The following HIVEP3 variants were observed in gnomAD, a reference collection of about 807,000 sequenced individuals.
HIVEP3 encodes transcription factor HIVEP3.
Under a neutral mutation model 152.8 loss-of-function variants are expected in HIVEP3, and 49 were observed. The ratio of observed to expected loss-of-function variants is 0.32; its 90% CI spans 0.26 to 0.41. The LOEUF (loss-of-function observed/expected upper bound fraction) is 0.41, where lower values mean the gene tolerates loss of function less well. Among genes scored for constraint, HIVEP3 ranks in the 10% least tolerant of loss-of-function variants. The pLI is 1.00. For synonymous variants in HIVEP3, 1,269 were observed against 1,289.0 expected (o/e 0.98, Z 0.33); for missense variants, 2,790 against 3,103.3 (o/e 0.90, Z 2.40).
At chr1:41,786,299 A>G (rs1649343442) in intron 1 of HIVEP3, among the ~76,000 whole-genome samples, 1 of 152,224 alleles carries the variant, frequency 6.6e-6, no homozygotes. Context: ...GGCACACACC[A>G]GGCACTCAGT....
chr1:41,969,905 G>T (rs1193108041), intron 1 of HIVEP3, among the ~76,000 whole-genome samples: 1 of 152,102 alleles, frequency 6.6e-6, no homozygotes, highest in African/African-American at 2.4e-5. Context: ...GACATGAACA[G>T]ACACTTCTCA....
intron 1 of HIVEP3, among the ~76,000 whole-genome samples, chr1:42,022,413 T>A (rs950969271): frequency 6.6e-6 from 1 of 152,172 alleles, no homozygotes; most frequent in African/African-American, 2.4e-5. Context: ...ATCAAATCTT[T>A]CCTCCTGCAT....
intron 5 of HIVEP3, among the ~76,000 whole-genome samples, chr1:41,532,313 A>G (rs1643286012): frequency 6.6e-6 from 1 of 151,544 alleles, no homozygotes; most frequent in African/African-American, 2.4e-5. Flanking sequence ...AGAAGGGAGG[A>G]CAGAAGAGAT....
chr1:41,848,946 G>A (rs1270010449), intron 1 of HIVEP3: 1 of 152,380 alleles, frequency 6.6e-6, no homozygotes, highest in Non-Finnish European at 1.5e-5. Context: ...TTCCCTTCAA[G>A]CACCAGTGTC....
rs912638256 is a variant in HIVEP3 at position 41,798,427 on chromosome 1, C to G, written c.-800-97432G>C. On this transcript the variant is annotated intron_variant, in intron 1 of 8. Coordinates refer to ENST00000372583, the MANE Select transcript of HIVEP3 (RefSeq NM_024503.5). ...GTCCCTTTGCACTGATGCCAAGCCT[C>G]AAATTTGTCTGCTTTCTGTATTCAT... Among the ~76,000 whole-genome samples the G allele has an allele frequency of 7.2e-5, 11 of 152,330 alleles. No individual in the cohort carries two copies. In the South Asian group the frequency reaches 2.3e-3, roughly 32 times the overall value.
At chr1:41,572,625 G>C (rs1429591463) in intron 5 of HIVEP3, among the ~76,000 whole-genome samples, 3 of 152,222 alleles carry the variant, frequency 2.0e-5, no homozygotes, top group Non-Finnish European at 4.4e-5. Flanking sequence ...TGCATTTTCT[G>C]ACACAGAGCA....
At chr1:41,640,170 C>A (rs1409771136) in intron 2 of HIVEP3, among the ~76,000 whole-genome samples, 2 of 151,746 alleles carry the variant, frequency 1.3e-5, no homozygotes, top group Non-Finnish European at 2.9e-5. Flanking sequence ...ATGGGGAGCA[C>A]CCAGCCCAGG....
chr1:41,623,891 T>A (rs1645079843), intron 3 of HIVEP3, among the ~76,000 whole-genome samples: 1 of 68,238 alleles, frequency 1.5e-5, no homozygotes, highest in African/African-American at 1.1e-4. Context: ...AGAGGCTCTC[T>A]GCATGCCGAT....
intron 2 of HIVEP3, among the ~76,000 whole-genome samples, chr1:41,654,770 C>T (rs969567916): frequency 2.6e-5 from 4 of 152,182 alleles, no homozygotes; most frequent in Admixed American, 6.5e-5. Context: ...CTCTACTGCA[C>T]GCAGGGAGGT....
At chr1:41,515,336 CAAAAG>C (rs1180395161) in intron 7 of HIVEP3, among the ~76,000 whole-genome samples, 4 of 152,212 alleles carry the variant, frequency 2.6e-5, no homozygotes, top group African/African-American at 9.7e-5. Context: ...GGATGTAGGT[CAAAAG>C]CTATGGGGTG....
intron 3 of HIVEP3, among the ~76,000 whole-genome samples, chr1:41,623,704 C>T (rs539930938): frequency 2.6e-5 from 4 of 152,328 alleles, no homozygotes; most frequent in African/African-American, 9.6e-5. Flanking sequence ...GCAATCCCAG[C>T]CACCACCATC....
At chr1:41,732,090 T>C (rs909862001) in intron 1 of HIVEP3, among the ~76,000 whole-genome samples, 1 of 152,016 alleles carries the variant, frequency 6.6e-6, no homozygotes, top group Non-Finnish European at 1.5e-5. Flanking sequence ...GAATGACAGG[T>C]GCAGACCAGA....
intron 3 of HIVEP3, among the ~76,000 whole-genome samples, chr1:41,604,105 T>C (rs1331048876): frequency 6.6e-6 from 1 of 152,194 alleles, no homozygotes; most frequent in East Asian, 1.9e-4. Context: ...ATAGACACAT[T>C]TGGACAATTG....
intron 1 of HIVEP3, among the ~76,000 whole-genome samples, chr1:41,747,585 T>C (rs1227104542): frequency 6.6e-6 from 1 of 152,276 alleles, no homozygotes; most frequent in East Asian, 1.9e-4. Flanking sequence ...AGTGTCCTTC[T>C]GGTAGACCTT....
At chr1:41,869,227 C>T (rs957020214) in intron 1 of HIVEP3, among the ~76,000 whole-genome samples, 3 of 152,164 alleles carry the variant, frequency 2.0e-5, no homozygotes, top group South Asian at 2.1e-4. Flanking sequence ...ATAAAGACAA[C>T]GCTCTTAAGG....
intron 1 of HIVEP3, among the ~76,000 whole-genome samples, chr1:41,955,171 G>C (rs1645133659): frequency 6.6e-6 from 1 of 152,074 alleles, no homozygotes; most frequent in African/African-American, 2.4e-5. Flanking sequence ...ACAACAGGGA[G>C]ATCCAAGGGT....
intron 1 of HIVEP3, among the ~76,000 whole-genome samples, chr1:41,874,411 G>C (rs1264650418): frequency 6.6e-6 from 1 of 152,210 alleles, no homozygotes; most frequent in African/African-American, 2.4e-5. Context: ...CCTGTCAAGA[G>C]AAAAGTCTTC....
At chr1:41,683,922 G>A (rs1335682148) in intron 2 of HIVEP3, among the ~76,000 whole-genome samples, 2 of 152,210 alleles carry the variant, frequency 1.3e-5, no homozygotes, top group African/African-American at 4.8e-5. Flanking sequence ...ACCCATGGAG[G>A]AACTCAGCAA....
chr1:41,507,446 G>A lies in HIVEP3; in HGVS notation c.*3005C>T, dbSNP rs1475097632. The A allele has an allele frequency of 6.6e-6, 1 of 152,350 alleles. No individual in the cohort carries two copies. Among genetic ancestry groups the A allele is most frequent in the African/African-American group, 2.4e-5 (1 of 41,432 alleles). 9.4% of individuals were successfully genotyped at this position (152,350 alleles called of 1,614,324 possible). On this transcript the variant is annotated 3_prime_UTR_variant, in exon 9 of 9. Coordinates refer to ENST00000372583, the MANE Select transcript of HIVEP3 (RefSeq NM_024503.5). Reference sequence around the variant, plus strand: ...GAAAGGCATCGTGGAGCGCAGGCCTGGGGGGCAAGGACTCACCAACCAAAG... The same window carrying A: ...GAAAGGCATCGTGGAGCGCAGGCCTAGGGGGCAAGGACTCACCAACCAAAG...
Sources: gnomAD v4.1 joint callset for allele counts (sites outside exome capture counted in the v4.1 genomes callset) on GRCh38, gnomAD v4.1.1 for gene constraint, MANE v1.5 for transcripts, NCBI Gene and HGNC (gene_info 2026-07-23, HGNC 2026-07-21) for gene names.